Variants in CARMIL1 observed in about 807,000 individuals in gnomAD.
The protein encoded by CARMIL1 is F-actin-uncapping protein LRRC16A.
A neutral mutation model predicts 177.1 loss-of-function variants in CARMIL1; 90 were observed. The observed-to-expected ratio is 0.51, with a 90% CI of 0.43 to 0.61. The LOEUF is 0.61. Among genes scored for constraint, CARMIL1 ranks in the 20% least tolerant of loss-of-function variants. The pLI is 0.00. For missense variants in CARMIL1, 1,380 were observed against 1,667.0 expected (o/e 0.83, Z 3.00); for synonymous variants, 577 against 606.2 (o/e 0.95, Z 0.71).
chr6:25,425,173 C>T (rs1397135623), intron 3 of CARMIL1, among the ~76,000 whole-genome samples: 1 of 152,176 alleles, frequency 6.6e-6, no homozygotes, highest in Non-Finnish European at 1.5e-5. Flanking sequence ...AAACAAACGT[C>T]TCAGTACTCT....
intron 2 of CARMIL1, among the ~76,000 whole-genome samples, chr6:25,309,283 A>G (rs939010947): frequency 9.8e-5 from 14 of 142,580 alleles, no homozygotes; most frequent in Middle Eastern, 3.7e-3. Flanking sequence ...TGAAGTTGGG[A>G]GGTGGAGGTT....
intron 11 of CARMIL1, among the ~76,000 whole-genome samples, chr6:25,479,807 C>T (rs1283684365): frequency 6.6e-6 from 1 of 152,004 alleles, no homozygotes; most frequent in South Asian, 2.1e-4. Flanking sequence ...TGATTTCTCT[C>T]TAGGCATGGC....
chr6:25,318,270 T>G (rs994107001), intron 2 of CARMIL1, among the ~76,000 whole-genome samples: 1 of 152,016 alleles, frequency 6.6e-6, no homozygotes, highest in East Asian at 1.9e-4. Flanking sequence ...ACCGCATCCA[T>G]GCTGAAATTG....
chr6:25,333,002 C>T (rs1202970390), intron 2 of CARMIL1, among the ~76,000 whole-genome samples: 1 of 152,106 alleles, frequency 6.6e-6, no homozygotes, highest in Non-Finnish European at 1.5e-5. Flanking sequence ...GAGAGGCTCT[C>T]TTTTTCTGCT....
At chr6:25,451,986 G>GGGGGGGGGGGGGGGGGCC in intron 8 of CARMIL1, 1 of 112,672 alleles carries the variant, frequency 8.9e-6, no homozygotes, top group East Asian at 2.0e-4. Flanking sequence ...CTAGCATCTT[G>GGGGGGGGGGGGGGGGGCC]CCCCCCCCTC....
At chr6:25,522,752 A>AT (rs1469980404) in intron 23 of CARMIL1, among the ~76,000 whole-genome samples, 1 of 151,998 alleles carries the variant, frequency 6.6e-6, no homozygotes, top group African/African-American at 2.4e-5. Context: ...GAGCTTATGT[A>AT]TTTTTTCATC....
intron 2 of CARMIL1, among the ~76,000 whole-genome samples, chr6:25,285,667 A>G (rs1024021275): frequency 3.9e-5 from 6 of 152,300 alleles, no homozygotes; most frequent in African/African-American, 1.4e-4. Flanking sequence ...ACTTTTTATC[A>G]TGGATATTTT....
rs558784398 is a variant in CARMIL1 at position 25,344,389 on chromosome 6, C to A, written c.138+59480C>A. Among the ~76,000 whole-genome samples, 3 of 152,280 alleles carry A rather than the reference C, an allele frequency of 2.0e-5. No homozygotes were observed. The East Asian group carries it at 5.8e-4, about 29-fold the overall frequency. ...TCTACCATGGCATAGATCCTTATCA[C>A]CCTTGACCCCTCAGGCTTGGTCATT... is the stretch of plus-strand genomic sequence containing the variant. On this transcript the variant is annotated intron_variant, in intron 2 of 36. Coordinates refer to ENST00000329474, the MANE Select transcript of CARMIL1 (RefSeq NM_017640.6).
At chr6:25,499,365 A>G (rs148942081) in intron 16 of CARMIL1, among the ~76,000 whole-genome samples, 27 of 152,294 alleles carry the variant, frequency 1.8e-4, no homozygotes, top group South Asian at 4.1e-4. Flanking sequence ...GTTCATCTCT[A>G]TGTTTTTCAC....
At position 25,491,803 on chromosome 6, in the gene CARMIL1, G is replaced by C. The variant is rs772300965; in HGVS notation, c.1137G>C (p.Leu379=). 13 of 1,590,420 alleles carry C rather than the reference G, an allele frequency of 8.2e-6. No homozygotes were observed. Among genetic ancestry groups the C allele is most frequent in the African/African-American group, 1.4e-5 (1 of 73,876 alleles). ...HLDLSNTECS[L]DMVCGALLRG... ...ATTTATCCAATACAGAATGTTCCCTGGACATGGTAAATTTAAAATATATAT... is the reference window on the plus strand; with the variant it reads ...ATTTATCCAATACAGAATGTTCCCTCGACATGGTAAATTTAAAATATATAT... Residue 379 remains leucine (L), a synonymous_variant, in exon 14 of 37, where the codon CTG becomes CTC. Transcript: ENST00000329474.
intron 31 of CARMIL1, among the ~76,000 whole-genome samples, chr6:25,586,067 C>A (rs187245701): frequency 6.0e-4 from 91 of 151,072 alleles, no homozygotes; most frequent in Admixed American, 2.6e-3. Context: ...TTGGGTAAAC[C>A]TCCCAGACGG....
intron 29 of CARMIL1, among the ~76,000 whole-genome samples, chr6:25,574,006 C>T (rs1812361799): frequency 6.6e-6 from 1 of 152,156 alleles, no homozygotes; most frequent in Admixed American, 6.5e-5. Context: ...CTTACACAAA[C>T]AGAACAACTC....
intron 2 of CARMIL1, among the ~76,000 whole-genome samples, chr6:25,306,489 AT>A (rs1383689005): frequency 6.6e-6 from 1 of 152,030 alleles, no homozygotes; most frequent in Non-Finnish European, 1.5e-5. Context: ...TCCTGAAACC[AT>A]CTCTCCTCCC....
chr6:25,425,966 A>G (rs1020520663), intron 3 of CARMIL1, among the ~76,000 whole-genome samples: 1 of 152,194 alleles, frequency 6.6e-6, no homozygotes, highest in Admixed American at 6.6e-5. Flanking sequence ...TCAGAGTGTA[A>G]CAAATAGCTG....
chr6:25,594,336 A>T (rs1457817184), intron 31 of CARMIL1, 79 bp from the exon 32 acceptor site: 6 of 875,176 alleles, frequency 6.9e-6, no homozygotes, highest in Non-Finnish European at 1.1e-5. Context: ...GCCCTTAATC[A>T]CAGTGTCTTA....
intron 16 of CARMIL1, among the ~76,000 whole-genome samples, chr6:25,497,257 A>G (rs866110694): frequency 5.3e-5 from 8 of 152,164 alleles, no homozygotes; most frequent in African/African-American, 1.9e-4. Flanking sequence ...TAAACTAGAC[A>G]CTGCGCTGGG....
At chr6:25,555,662 G>T (rs762581174) in intron 28 of CARMIL1, among the ~76,000 whole-genome samples, 4 of 152,114 alleles carry the variant, frequency 2.6e-5, no homozygotes, top group South Asian at 2.1e-4. Flanking sequence ...CTCCCAAAGT[G>T]CTGGGATTAC....
At chr6:25,393,145 T>A (rs1255550887) in intron 2 of CARMIL1, among the ~76,000 whole-genome samples, 1 of 152,102 alleles carries the variant, frequency 6.6e-6, no homozygotes, top group African/African-American at 2.4e-5. Context: ...TGATCCTCAG[T>A]AGGTCTTTCA....
At chr6:25,401,572 A>T (rs1278773414) in intron 2 of CARMIL1, among the ~76,000 whole-genome samples, 2 of 152,170 alleles carry the variant, frequency 1.3e-5, no homozygotes, top group Non-Finnish European at 2.9e-5. Context: ...TCAACTCTAA[A>T]CTCATTGAAT....
Sources: allele counts gnomAD v4.1 joint callset (sites outside exome capture counted in the v4.1 genomes callset), GRCh38; gene constraint gnomAD v4.1.1; transcripts MANE v1.5; gene names NCBI Gene and HGNC (gene_info 2026-07-23, HGNC 2026-07-21).